The following NFATC2 variants were observed in gnomAD, a reference collection of about 807,000 sequenced individuals.
NFATC2 encodes nuclear factor of activated T cells 2.
Under a neutral mutation model 87.3 loss-of-function variants are expected in NFATC2, and 22 were observed. The ratio of observed to expected loss-of-function variants is 0.25; its 90% CI spans 0.18 to 0.36. NFATC2 has a LOEUF of 0.36. Among genes scored for constraint, NFATC2 ranks in the 10% least tolerant of loss-of-function variants. The pLI is 1.00. For synonymous variants in NFATC2, 565 were observed against 542.2 expected (o/e 1.04, Z -0.58); for missense variants, 1,149 against 1,259.1 (o/e 0.91, Z 1.32).
chr20:51,442,662 G>C (rs1295411736), intron 6 of NFATC2, among the ~76,000 whole-genome samples: 2 of 151,536 alleles, frequency 1.3e-5, no homozygotes, highest in African/African-American at 2.4e-5. Flanking sequence ...TAACATCACA[G>C]TGACTTTAAT....
In NFATC2 at chr20:51,562,485, G is replaced by T. The variant is rs758923122; in HGVS notation, c.70+75C>A. On this transcript the variant is annotated intron_variant, in intron 1 of 10. Transcript: ENST00000414705. The surrounding 1 kb of genome is among the most constrained non-coding windows in gnomAD (Gnocchi z 5.8). ...ACCTCTGCCGGGAGCTGAAAGTGCT[G>T]CCCGGGACGGGAGCAGCAGGAAAGG... 12 of 1,348,510 alleles carry T rather than the reference G, an allele frequency of 8.9e-6. No individual in the cohort carries two copies. Among genetic ancestry groups the T allele is most frequent in the Non-Finnish European group, 1.1e-5 (11 of 970,464 alleles). The allele number at this position is 1,348,510 out of a possible 1,614,324, so 83.5% of individuals were successfully genotyped here.
chr20:51,445,237 G>C (rs530773455), intron 6 of NFATC2, among the ~76,000 whole-genome samples: 1 of 152,008 alleles, frequency 6.6e-6, no homozygotes, highest in African/African-American at 2.4e-5. Context: ...TCACTCTCAC[G>C]ACGCACCAGC....
intron 5 of NFATC2, among the ~76,000 whole-genome samples, chr20:51,467,792 C>T (rs910530186): frequency 3.9e-5 from 6 of 152,142 alleles, no homozygotes; most frequent in Non-Finnish European, 8.8e-5. Context: ...TAAAAACATA[C>T]ACAACCAAGT....
chr20:51,435,557 A>G, intron 7 of NFATC2, 149 bp downstream of exon 7: 1 of 900,054 alleles, frequency 1.1e-6, no homozygotes, highest in Non-Finnish European at 1.7e-6. Flanking sequence ...ATAAATGTTG[A>G]ACTCACTCAT....
intron 3 of NFATC2, among the ~76,000 whole-genome samples, chr20:51,477,989 C>T (rs989314108): frequency 1.3e-5 from 2 of 152,174 alleles, no homozygotes; most frequent in Non-Finnish European, 2.9e-5. Flanking sequence ...AGCACAGACA[C>T]AGAATGTTTC....
intron 3 of NFATC2, among the ~76,000 whole-genome samples, chr20:51,478,102 G>A (rs941422568): frequency 1.2e-4 from 18 of 152,290 alleles, no homozygotes; most frequent in African/African-American, 1.2e-4. Context: ...GAGTGGAACT[G>A]TGCTAGATGA....
rs183164800 is a variant in NFATC2 at position 51,521,263 on chromosome 20, C to A, written c.1160+1818G>T. 2.0e-5 allele frequency among the ~76,000 whole-genome samples: 3 copies of A among 152,368 alleles called. No individual in the cohort carries two copies. The East Asian group carries it at 5.8e-4, about 29-fold the overall frequency. On this transcript the variant is annotated intron_variant, in intron 2 of 10. Transcript: ENST00000371564. ...CCCAGCGGGCAGGGCCCGAGGCCAC[C>A]CTCAACCCCACACCAATCAAAAGAG...
chr20:51,451,019 A>G (rs938006012), intron 6 of NFATC2, among the ~76,000 whole-genome samples: 1 of 152,252 alleles, frequency 6.6e-6, no homozygotes, highest in Non-Finnish European at 1.5e-5. Context: ...CTAACTCCGT[A>G]AGGAACTTGG....
intron 1 of NFATC2, among the ~76,000 whole-genome samples, chr20:51,531,885 A>C (rs2076639358): frequency 6.6e-6 from 1 of 152,218 alleles, no homozygotes; most frequent in Admixed American, 6.5e-5. Flanking sequence ...AAAGGAAGAC[A>C]TTTTTATAAA....
intron 3 of NFATC2, among the ~76,000 whole-genome samples, chr20:51,491,024 A>G (rs117994417): frequency 1.3e-5 from 2 of 152,168 alleles, no homozygotes. Context: ...CAGACACAAG[A>G]GGTGCTCAGC....
chr20:51,561,491 GCAAGCAAGCAAGC>G, intron 1 of NFATC2, among the ~76,000 whole-genome samples: 1 of 95,090 alleles, frequency 1.1e-5, no homozygotes, highest in South Asian at 3.5e-4. Flanking sequence ...AAGAAAGCAA[GCAAGCAAGCAAGC>G]AAGCAAGCAA....
chr20:51,496,422 T>C (rs75352611), intron 3 of NFATC2, among the ~76,000 whole-genome samples: 7,637 of 151,886 alleles, frequency 0.05, 237 homozygotes, highest in Middle Eastern at 0.13. Context: ...CTTTACATCC[T>C]GCAACCACCC....
At chr20:51,401,402 T>TTGTG (rs2146241090) in intron 9 of NFATC2, among the ~76,000 whole-genome samples, 1 of 151,806 alleles carries the variant, frequency 6.6e-6, no homozygotes, top group Non-Finnish European at 1.5e-5. Flanking sequence ...GCCCACAATA[T>TTGTG]GGTCCCCTAA....
In NFATC2 at chr20:51,399,780, A is replaced by G. The variant is rs149700581; in HGVS notation, c.2723-1050T>C. Reference sequence around the variant, plus strand: ...AGGCAGCTCCCACACTAAACTGCCCAGTCTCCACTTGAAACTGACTTCTTC... The same window carrying G: ...AGGCAGCTCCCACACTAAACTGCCCGGTCTCCACTTGAAACTGACTTCTTC... On this transcript the variant is annotated intron_variant, in intron 9 of 10. Transcript: ENST00000371564. 2.5e-3 allele frequency among the ~76,000 whole-genome samples: 376 copies of G among 152,354 alleles called. 1 individual carries two copies. Among genetic ancestry groups the G allele is most frequent in the African/African-American group, 8.6e-3 (358 of 41,576 alleles).
chr20:51,546,984 G>A (rs2076894670), upstream of NFATC2, among the ~76,000 whole-genome samples: 1 of 152,304 alleles, frequency 6.6e-6, no homozygotes, highest in Middle Eastern at 3.4e-3. Context: ...AGGTGCTCAG[G>A]GAAGGATGAG....
chr20:51,482,431 T>C (rs939998214), intron 3 of NFATC2, among the ~76,000 whole-genome samples: 11 of 151,962 alleles, frequency 7.2e-5, no homozygotes, highest in Non-Finnish European at 1.3e-4. Context: ...ACAAGATAAA[T>C]CACAAAAAGA....
At chr20:51,410,759 G>C (rs1382905199) in intron 9 of NFATC2, among the ~76,000 whole-genome samples, 5 of 152,152 alleles carry the variant, frequency 3.3e-5, no homozygotes, top group Non-Finnish European at 7.4e-5. Context: ...ACTTAGGGCA[G>C]GAGAGTGTCA....
intron 6 of NFATC2, among the ~76,000 whole-genome samples, chr20:51,451,047 C>G (rs1482979643): frequency 2.6e-5 from 4 of 152,234 alleles, no homozygotes; most frequent in African/African-American, 9.6e-5. Flanking sequence ...CAGCCTCAAA[C>G]TCTTTCCTGC....
At chr20:51,423,830 C>A (rs947356690) in intron 9 of NFATC2, among the ~76,000 whole-genome samples, 3 of 152,306 alleles carry the variant, frequency 2.0e-5, no homozygotes, top group Admixed American at 6.5e-5. Context: ...TGGGAAGGGA[C>A]TTTCTTGTGG....
Sources: allele counts gnomAD v4.1 joint callset (sites outside exome capture counted in the v4.1 genomes callset), GRCh38; gene constraint gnomAD v4.1.1; non-coding constraint Gnocchi (gnomAD v3.1); transcripts MANE v1.5; gene names NCBI Gene and HGNC (gene_info 2026-07-23, HGNC 2026-07-21).